Variants in ARHGEF28 observed in about 807,000 individuals in gnomAD.
The protein encoded by ARHGEF28 is Rho guanine nucleotide exchange factor 28.
In ARHGEF28, 152 loss-of-function variants were observed where a neutral mutation model predicts 206.6. That is an observed-to-expected ratio of 0.74 (90% CI 0.64 to 0.84). ARHGEF28 has a LOEUF of 0.84. Ranked by LOEUF, ARHGEF28 falls within the 40% of genes least tolerant of loss-of-function variation. The pLI is 0.00. For synonymous variants in ARHGEF28, 763 were observed against 776.4 expected (o/e 0.98, Z 0.29); for missense variants, 2,028 against 2,073.2 (o/e 0.98, Z 0.42).
chr5:73,762,478 A>C (rs1050121490), intron 4 of ARHGEF28, among the ~76,000 whole-genome samples: 18 of 149,286 alleles, frequency 1.2e-4, no homozygotes, highest in African/African-American at 4.6e-4. Context: ...AAAAAAAACA[A>C]AACAACAACA....
rs367962149 is a variant in ARHGEF28 at position 73,749,857 on chromosome 5, G to A, written c.54G>A (p.Ala18=). 186 of 1,613,978 alleles carry A rather than the reference G, an allele frequency of 1.2e-4. 1 individual carries two copies. In the South Asian group the frequency reaches 1.2e-3, roughly 10 times the overall value. The change falls in exon 3 of 36, where the codon GCG becomes GCA. Residue 18 remains alanine, a synonymous_variant. Transcript: ENST00000513042. ...APLYGQMMIY[A]KFDKNVYLPE... is the part of the protein sequence containing the mutation. The stretch of plus-strand genomic sequence containing the variant: ...TTCAGGGGCAGATGATGATCTATGC[G>A]AAGTTTGACAAAAATGTGTATCTTC...
chr5:73,779,543 C>T (rs894456410), intron 6 of ARHGEF28, among the ~76,000 whole-genome samples: 5 of 152,166 alleles, frequency 3.3e-5, no homozygotes, highest in Non-Finnish European at 7.4e-5. Flanking sequence ...GACTCTCACT[C>T]TCTTCATTGA....
At position 73,865,959 on chromosome 5, in the gene ARHGEF28, T is replaced by C; in HGVS notation, c.2104-6T>C. On this transcript the variant is annotated splice_region_variant and splice_polypyrimidine_tract_variant and intron_variant, in intron 17 of 35. Coordinates refer to ENST00000513042, the MANE Select transcript of ARHGEF28 (RefSeq NM_001177693.2). Reference sequence around the variant, plus strand: ...TACTTTATGTGTTTCTAATATTCTTTACCAGAAATTCCAAGAGAAATATAA... The same window carrying C: ...TACTTTATGTGTTTCTAATATTCTTCACCAGAAATTCCAAGAGAAATATAA... 2 of 1,582,562 alleles carry C rather than the reference T, an allele frequency of 1.3e-6. No homozygotes were observed. Among genetic ancestry groups the C allele is most frequent in the Middle Eastern group, 1.7e-4 (1 of 5,982 alleles).
At chr5:73,666,256 T>G (rs1745948120) in intron 1 of ARHGEF28, among the ~76,000 whole-genome samples, 1 of 152,184 alleles carries the variant, frequency 6.6e-6, no homozygotes. Context: ...TTTGGCACAC[T>G]GGGGTGGGGG....
intron 21 of ARHGEF28, 96 bp from the exon 22 acceptor site, chr5:73,872,903 T>C (rs1220703010): frequency 7.4e-7 from 1 of 1,347,474 alleles, no homozygotes; most frequent in Non-Finnish European, 1.0e-6. Context: ...TCTTTTTTAT[T>C]TGCGTAACAT....
chr5:73,864,973 AAG>A, intron 17 of ARHGEF28, 101 bp downstream of exon 17: 1 of 1,065,412 alleles, frequency 9.4e-7, no homozygotes, highest in Non-Finnish European at 1.4e-6. Flanking sequence ...TTTATTTCTA[AAG>A]CGATCATGAT....
At chr5:73,919,234 G>A (rs988325094) in intron 35 of ARHGEF28, among the ~76,000 whole-genome samples, 2 of 152,174 alleles carry the variant, frequency 1.3e-5, no homozygotes, top group East Asian at 1.9e-4. Context: ...CCTAAACGTT[G>A]TTAGAAAGCC....
intron 14 of ARHGEF28, among the ~76,000 whole-genome samples, chr5:73,853,340 G>A (rs17732825): frequency 0.14 from 20,596 of 152,226 alleles, 1,985 homozygotes; most frequent in African/African-American, 0.26. Flanking sequence ...CCCCAGGGTT[G>A]TATGCAAAAC....
intron 1 of ARHGEF28, among the ~76,000 whole-genome samples, chr5:73,683,338 A>G (rs1383665120): frequency 2.6e-5 from 4 of 152,098 alleles, no homozygotes; most frequent in Non-Finnish European, 5.9e-5. Flanking sequence ...TCCATATCCA[A>G]TAAAGAATAA....
chr5:73,870,948 C>G (rs545413216), intron 21 of ARHGEF28, among the ~76,000 whole-genome samples: 1 of 152,132 alleles, frequency 6.6e-6, no homozygotes, highest in Non-Finnish European at 1.5e-5. Context: ...CCAAAGTCCA[C>G]GGGCAGTGAG....
chr5:73,690,617 G>C (rs896116287), intron 2 of ARHGEF28, among the ~76,000 whole-genome samples: 2 of 149,558 alleles, frequency 1.3e-5, no homozygotes, highest in Non-Finnish European at 3.0e-5. Flanking sequence ...AGGATCACTT[G>C]AGCCAAGGAG....
intron 1 of ARHGEF28, among the ~76,000 whole-genome samples, chr5:73,652,756 T>A (rs1203836777): frequency 1.3e-5 from 2 of 152,216 alleles, no homozygotes; most frequent in Admixed American, 1.3e-4. Context: ...ACTTAATCCT[T>A]GTATGTCCAG....
chr5:73,663,059 G>A (rs1391928097), intron 1 of ARHGEF28, among the ~76,000 whole-genome samples: 1 of 152,098 alleles, frequency 6.6e-6, no homozygotes, highest in Non-Finnish European at 1.5e-5. Context: ...AGGTTCAAGC[G>A]ATTACCCTGC....
At chr5:73,706,220 G>A (rs1748920779) in intron 2 of ARHGEF28, among the ~76,000 whole-genome samples, 1 of 152,068 alleles carries the variant, frequency 6.6e-6, no homozygotes, top group Non-Finnish European at 1.5e-5. Context: ...CTATTCAAAT[G>A]AAGCCCATTA....
intron 34 of ARHGEF28, 149 bp downstream of exon 34, chr5:73,910,046 G>T: frequency 1.6e-6 from 2 of 1,253,274 alleles, no homozygotes; most frequent in Non-Finnish European, 2.1e-6. Context: ...GCCAAAGCTG[G>T]AAGCTTTCAG....
At chr5:73,658,623 T>A (rs1413407629) in intron 1 of ARHGEF28, among the ~76,000 whole-genome samples, 2 of 152,094 alleles carry the variant, frequency 1.3e-5, no homozygotes, top group African/African-American at 2.4e-5. Flanking sequence ...TGAGGTGGGA[T>A]CTTAAGGATG....
chr5:73,846,301 AG>A lies in ARHGEF28; in HGVS notation c.1465del (p.Glu489LysfsTer78), dbSNP rs1295406772. The A allele has an allele frequency of 6.2e-7, 1 of 1,613,718 alleles. No individual in the cohort carries two copies. The highest frequency in any genetic ancestry group is 1.7e-5 in the Admixed American group (1 of 60,000). Reference protein sequence around the residue: ...SLDALDADSEGEGHSEPSHIC... With the variant: ...SLDALDADSEXEGHSEPSHIC... ...TTGATGCCTTGGACGCCGACAGTGA[AG>A]GGGAAGGGCATTCTGAGCCATCCCA... On this transcript the variant is annotated frameshift_variant, in exon 12 of 36. Coordinates refer to ENST00000513042, the MANE Select transcript of ARHGEF28 (RefSeq NM_001177693.2). LOFTEE classifies it high-confidence loss of function.
At chr5:73,714,393 T>A in intron 2 of ARHGEF28, among the ~76,000 whole-genome samples, 1 of 152,194 alleles carries the variant, frequency 6.6e-6, no homozygotes, top group East Asian at 1.9e-4. Flanking sequence ...AAAATAAAAC[T>A]GGAACTGATC....
chr5:73,661,912 C>T (rs539129493), intron 1 of ARHGEF28, among the ~76,000 whole-genome samples: 4 of 152,146 alleles, frequency 2.6e-5, no homozygotes, highest in East Asian at 3.9e-4. Context: ...AGACACGAAG[C>T]GAGCACATGC....
Sources: gnomAD v4.1 joint callset for allele counts (sites outside exome capture counted in the v4.1 genomes callset) on GRCh38, gnomAD v4.1.1 for gene constraint, MANE v1.5 for transcripts, NCBI Gene and HGNC (gene_info 2026-07-23, HGNC 2026-07-21) for gene names.